The following GADL1 variants were observed in gnomAD, a reference collection of about 807,000 sequenced individuals.
The protein encoded by GADL1 is GAD like acidic amino acid decarboxylase 1, also known as acidic amino acid decarboxylase GADL1.
In GADL1, 71 loss-of-function variants were observed where a neutral mutation model predicts 69.5. That is an observed-to-expected ratio of 1.02 (90% CI 0.84 to 1.25). GADL1 has a LOEUF of 1.25. Among genes scored for constraint, GADL1 ranks in the 50% most tolerant of loss-of-function variants. The probability of loss-of-function intolerance (pLI) is 0.00; values close to 1 mark genes in which losing one functional copy is unlikely to be tolerated. For synonymous variants in GADL1, 254 were observed against 214.4 expected (o/e 1.18, Z -1.62); for missense variants, 737 against 631.8 (o/e 1.17, Z -1.79).
chr3:30,776,288 C>T (rs754952080), intron 14 of GADL1, among the ~76,000 whole-genome samples: 6 of 152,170 alleles, frequency 3.9e-5, no homozygotes, highest in Admixed American at 6.5e-5. Flanking sequence ...GTGACCCTAT[C>T]TTTCTCAACT....
At chr3:30,825,201 A>AC (rs1697662894) in intron 11 of GADL1, among the ~76,000 whole-genome samples, 1 of 151,720 alleles carries the variant, frequency 6.6e-6, no homozygotes, top group African/African-American at 2.4e-5. Context: ...ATTTTCTGAT[A>AC]TTTTTTCTGT....
Position 30,850,056 on chromosome 3 carries a change from A to T in GADL1, c.591T>A (p.Pro197=), listed in dbSNP as rs1392596886. 1.2e-6 allele frequency: 2 copies of T among 1,612,152 alleles called. No homozygotes were observed. The change falls in exon 6 of 15, where the codon CCT becomes CCA. Residue 197 remains proline (P), a synonymous_variant. Transcript: ENST00000282538. The part of the protein sequence containing the change: ...AMNLARYKYC[P]DIKEKGLSGS... ...CAGACAGCCCCTTTTCCTTAATATC[A>T]GGACAATATTTGTATCTAGCTAAAT...
intron 11 of GADL1, among the ~76,000 whole-genome samples, chr3:30,804,249 G>A (rs966727690): frequency 7.2e-5 from 11 of 152,060 alleles, no homozygotes; most frequent in Admixed American, 7.2e-4. Context: ...GCCTATATTG[G>A]CCTCACTCCC....
chr3:30,893,529 C>A (rs1698813679), intron 1 of GADL1, among the ~76,000 whole-genome samples: 1 of 152,070 alleles, frequency 6.6e-6, no homozygotes, highest in Non-Finnish European at 1.5e-5. Context: ...TTCTACAGCC[C>A]TCTCCGCTCC....
chr3:30,795,457 A>G (rs1697012416), intron 12 of GADL1, among the ~76,000 whole-genome samples: 1 of 152,162 alleles, frequency 6.6e-6, no homozygotes, highest in Non-Finnish European at 1.5e-5. Context: ...GGTAGCTTGC[A>G]ATTTGCTATG....
Position 30,833,921 on chromosome 3 carries a change from CCA to C in GADL1, c.980_981del (p.Val327GlyfsTer24), listed in dbSNP as rs1466847248. ...ATCAGCATCTTGTGTGGGTTCCAGG[CCA>C]CAGAGTCAGCCCTATTGTTTAAACA... ...LLHGIHRADS[V>X]AWNPHKMLMA... On this transcript the variant is annotated frameshift_variant, in exon 11 of 15. Coordinates refer to ENST00000282538, the MANE Select transcript of GADL1 (RefSeq NM_207359.3). LOFTEE classifies it high-confidence loss of function. 1 of 1,612,174 alleles carries C rather than the reference CCA, an allele frequency of 6.2e-7. No individual in the cohort carries two copies. Among genetic ancestry groups the C allele is most frequent in the Non-Finnish European group, 8.5e-7 (1 of 1,178,684 alleles).
chr3:30,786,382 TTTC>T lies in GADL1; in HGVS notation c.1272_1274del (p.Lys425del). On this transcript the variant is annotated inframe_deletion, in exon 13 of 15. Transcript: ENST00000282538. ...CCATCAGTAACTTGAATCCTTCTCT[TTTC>T]TTGATTTCATCTACTAGGTACCTAA... is the stretch of plus-strand genomic sequence containing the variant. 1 of 1,542,466 alleles carries T rather than the reference TTTC, an allele frequency of 6.5e-7. No homozygotes were observed. Among genetic ancestry groups the T allele is most frequent in the South Asian group, 1.1e-5 (1 of 89,252 alleles).
intron 11 of GADL1, among the ~76,000 whole-genome samples, chr3:30,816,147 T>C (rs1384183156): frequency 1.3e-5 from 2 of 152,262 alleles, no homozygotes; most frequent in African/African-American, 2.4e-5. Flanking sequence ...GAGAGGCTAA[T>C]GGCTCCACCA....
At chr3:30,789,661 A>G (rs1696872271) in intron 12 of GADL1, among the ~76,000 whole-genome samples, 1 of 152,160 alleles carries the variant, frequency 6.6e-6, no homozygotes, top group Non-Finnish European at 1.5e-5. Context: ...TTCTTCAGTG[A>G]TCTTAGCTAG....
intron 1 of GADL1, among the ~76,000 whole-genome samples, chr3:30,886,284 T>G (rs1242912395): frequency 1.3e-5 from 2 of 152,132 alleles, no homozygotes; most frequent in African/African-American, 4.8e-5. Flanking sequence ...AGGAATGTAC[T>G]GTAGTCAAGA....
chr3:30,772,736 CAT>C (rs1696443812), intron 14 of GADL1, among the ~76,000 whole-genome samples: 2 of 152,006 alleles, frequency 1.3e-5, no homozygotes, highest in Non-Finnish European at 2.9e-5. Flanking sequence ...ATTATCAGGG[CAT>C]AGTGGTGAGC....
chr3:30,877,054 C>T (rs547993569), intron 1 of GADL1, among the ~76,000 whole-genome samples: 1 of 151,988 alleles, frequency 6.6e-6, no homozygotes, highest in South Asian at 2.1e-4. Flanking sequence ...GTACTAGGCA[C>T]TTATATTACA....
chr3:30,872,233 A>C (rs933397120), intron 1 of GADL1, among the ~76,000 whole-genome samples: 2 of 151,882 alleles, frequency 1.3e-5, no homozygotes, highest in East Asian at 1.9e-4. Context: ...CTTCAGTCCC[A>C]GTTTGGAGCA....
chr3:30,804,528 C>T (rs1697219368), intron 11 of GADL1, among the ~76,000 whole-genome samples: 1 of 151,720 alleles, frequency 6.6e-6, no homozygotes, highest in Non-Finnish European at 1.5e-5. Context: ...TCCCCCACCC[C>T]GATATCTCCC....
chr3:30,785,283 T>A (rs991336877), intron 13 of GADL1, among the ~76,000 whole-genome samples: 4 of 152,296 alleles, frequency 2.6e-5, no homozygotes, highest in African/African-American at 7.2e-5. Flanking sequence ...TTGGGGGACC[T>A]TTTCTGTTTT....
intron 11 of GADL1, among the ~76,000 whole-genome samples, chr3:30,817,705 T>C (rs574663537): frequency 5.3e-5 from 8 of 152,298 alleles, no homozygotes; most frequent in South Asian, 4.1e-4. Context: ...ATTCTGACAG[T>C]GCTATAAATG....
chr3:30,781,403 G>A (rs555647496), intron 13 of GADL1, among the ~76,000 whole-genome samples: 1 of 152,264 alleles, frequency 6.6e-6, no homozygotes, highest in African/African-American at 2.4e-5. Flanking sequence ...GCTTTACAAT[G>A]TCATTAGATC....
intron 11 of GADL1, among the ~76,000 whole-genome samples, chr3:30,821,355 A>G (rs1442761573): frequency 6.6e-6 from 1 of 152,090 alleles, no homozygotes; most frequent in Admixed American, 6.6e-5. Context: ...AAGAAAAGCC[A>G]TTGAAACTGA....
At chr3:30,768,902 G>A (rs1412915675) in intron 14 of GADL1, among the ~76,000 whole-genome samples, 2 of 152,130 alleles carry the variant, frequency 1.3e-5, no homozygotes, top group African/African-American at 4.8e-5. Flanking sequence ...ATGAGCAAAA[G>A]TGCCACCAGG....
Sources: allele counts gnomAD v4.1 joint callset (sites outside exome capture counted in the v4.1 genomes callset), GRCh38; gene constraint gnomAD v4.1.1; transcripts MANE v1.5; gene names NCBI Gene and HGNC (gene_info 2026-07-23, HGNC 2026-07-21).